The following TUSC3 variants were observed in gnomAD, a reference collection of about 807,000 sequenced individuals.
TUSC3 encodes the protein tumor suppressor candidate 3, also known as dolichyl-diphosphooligosaccharide--protein glycosyltransferase subunit TUSC3.
TUSC3 carries 45 observed loss-of-function variants against 44.8 expected under a neutral mutation model. The ratio of observed to expected loss-of-function variants is 1.00; its 90% confidence interval spans 0.79 to 1.29. The LOEUF is 1.29. TUSC3 is among the 50% of genes most tolerant of loss of function. The pLI is 0.00. For synonymous variants in TUSC3, 212 were observed against 152.9 expected (o/e 1.39, Z -2.85); for missense variants, 519 against 437.9 (o/e 1.19, Z -1.65).
chr8:15,574,297 G>A (rs1803005043), intron 1 of TUSC3, among the ~76,000 whole-genome samples: 1 of 151,688 alleles, frequency 6.6e-6, no homozygotes, highest in Non-Finnish European at 1.5e-5. Flanking sequence ...ATTCTTCATC[G>A]TTGCTACCAA....
chr8:15,448,365 C>T lies in TUSC3; in HGVS notation n.91+31060C>T, dbSNP rs185716242. 1.8e-3 allele frequency among the ~76,000 whole-genome samples: 268 copies of T among 152,010 alleles called. 2 individuals carry two copies. The highest frequency in any genetic ancestry group is 7.0e-3 in the South Asian group (34 of 4,824). Reference sequence around the variant, plus strand: ...AACTCCCAGCCTCAGGCAATCCACCCGCCTTGGCCTCCCAAAGTGCTGGGA... The same window carrying T: ...AACTCCCAGCCTCAGGCAATCCACCTGCCTTGGCCTCCCAAAGTGCTGGGA... On this transcript the variant is annotated intron_variant and non_coding_transcript_variant, in intron 1 of 5. Transcript: ENST00000503191.
intron 6 of TUSC3, among the ~76,000 whole-genome samples, chr8:15,676,007 C>T (rs984563894): frequency 1.3e-5 from 2 of 152,066 alleles, no homozygotes; most frequent in South Asian, 2.1e-4. Flanking sequence ...GAGACATCTC[C>T]ATGTTGTTTT....
At chr8:15,732,963 T>G (rs116129416) in intron 7 of TUSC3, among the ~76,000 whole-genome samples, 1 of 152,190 alleles carries the variant, frequency 6.6e-6, no homozygotes, top group Non-Finnish European at 1.5e-5. Flanking sequence ...CTGTATGCTT[T>G]ATGGTTTCAA....
chr8:15,427,809 C>T (rs960669471), intron 1 of TUSC3, among the ~76,000 whole-genome samples: 3 of 152,046 alleles, frequency 2.0e-5, no homozygotes, highest in African/African-American at 7.2e-5. Flanking sequence ...TGTTGTCATA[C>T]TCAAAAAATC....
intron 2 of TUSC3, among the ~76,000 whole-genome samples, chr8:15,484,555 T>G (rs1800710754): frequency 6.6e-6 from 1 of 151,918 alleles, no homozygotes; most frequent in African/African-American, 2.4e-5. Flanking sequence ...AACATGTCTA[T>G]CTCTTTCTCA....
chr8:15,493,090 C>CA (rs113010916), intron 2 of TUSC3, among the ~76,000 whole-genome samples: 37 of 151,600 alleles, frequency 2.4e-4, no homozygotes, highest in Non-Finnish European at 3.8e-4. Flanking sequence ...CTTTAATACA[C>CA]AAAAAAAATC....
intron 6 of TUSC3, among the ~76,000 whole-genome samples, chr8:15,680,021 C>G (rs1585222238): frequency 6.6e-6 from 1 of 151,858 alleles, no homozygotes; most frequent in Non-Finnish European, 1.5e-5. Context: ...GGTAATATCC[C>G]TCCAGCTTTG....
chr8:15,632,604 T>C (rs976886874), intron 2 of TUSC3, among the ~76,000 whole-genome samples: 2 of 152,192 alleles, frequency 1.3e-5, no homozygotes, highest in African/African-American at 4.8e-5. Context: ...TACCCAGCAC[T>C]TGTAGTATTA....
chr8:15,426,048 A>G (rs181766931), intron 1 of TUSC3, among the ~76,000 whole-genome samples: 60 of 152,326 alleles, frequency 3.9e-4, no homozygotes, highest in African/African-American at 1.4e-3. Flanking sequence ...AAAAGATCAA[A>G]TAAAATAGTA....
At chr8:15,789,897 G>C in the TUSC3 span, among the ~76,000 whole-genome samples, 14 of 152,272 alleles carry the variant, frequency 9.2e-5, no homozygotes, top group East Asian at 2.7e-3. Context: ...GGTTTAGGCT[G>C]TCAGGGTTCT....
intron 6 of TUSC3, among the ~76,000 whole-genome samples, chr8:15,723,394 TGTA>T (rs1199812172): frequency 1.3e-5 from 2 of 152,194 alleles, no homozygotes; most frequent in African/African-American, 4.8e-5. Flanking sequence ...ATTTCTCTGT[TGTA>T]ATCATTTTTT....
chr8:15,476,014 A>G (rs1400168602), intron 1 of TUSC3, among the ~76,000 whole-genome samples: 1 of 152,206 alleles, frequency 6.6e-6, no homozygotes, highest in East Asian at 1.9e-4. Flanking sequence ...CTGTACATCA[A>G]GCTTTGAAAG....
chr8:15,847,537 CA>C, the TUSC3 span, among the ~76,000 whole-genome samples: 3 of 152,264 alleles, frequency 2.0e-5, no homozygotes, highest in South Asian at 6.2e-4. Context: ...ACCTAGGTGA[CA>C]TCATTTTCTC....
At chr8:15,675,258 T>C (rs1456956817) in intron 6 of TUSC3, among the ~76,000 whole-genome samples, 1 of 150,812 alleles carries the variant, frequency 6.6e-6, no homozygotes, top group Non-Finnish European at 1.5e-5. Flanking sequence ...TAGGAAATCT[T>C]ATAAATTTTT....
chr8:15,805,314 C>A, the TUSC3 span, among the ~76,000 whole-genome samples: 4 of 151,988 alleles, frequency 2.6e-5, no homozygotes, highest in Non-Finnish European at 5.9e-5. Context: ...TATTTGGGTG[C>A]CTTGAATTTC....
chr8:15,585,489 G>A (rs554260994), intron 1 of TUSC3, among the ~76,000 whole-genome samples: 1 of 152,312 alleles, frequency 6.6e-6, no homozygotes, highest in Admixed American at 6.5e-5. Context: ...GGGGACCTGG[G>A]AGAGGGTTGT....
intron 2 of TUSC3, among the ~76,000 whole-genome samples, chr8:15,642,404 G>A (rs1806413538): frequency 6.6e-6 from 1 of 152,110 alleles, no homozygotes; most frequent in Non-Finnish European, 1.5e-5. Flanking sequence ...AGATAAATAT[G>A]AATAAATATA....
At chr8:15,834,819 A>T in the TUSC3 span, among the ~76,000 whole-genome samples, 1 of 152,180 alleles carries the variant, frequency 6.6e-6, no homozygotes, top group Non-Finnish European at 1.5e-5. Flanking sequence ...ACCCTTGAAC[A>T]ACAAGGGTTT....
the TUSC3 span, among the ~76,000 whole-genome samples, chr8:15,772,803 G>A: frequency 1.3e-5 from 2 of 152,164 alleles, no homozygotes; most frequent in African/African-American, 2.4e-5. Context: ...TATACAGCAT[G>A]ACCAAGTGGG....
Sources: gnomAD v4.1 joint callset for allele counts (sites outside exome capture counted in the v4.1 genomes callset) on GRCh38, gnomAD v4.1.1 for gene constraint, MANE v1.5 for transcripts, NCBI Gene and HGNC (gene_info 2026-07-23, HGNC 2026-07-21) for gene names.